C2orf76: variants seen among roughly 807,000 people sequenced by gnomAD.
C2orf76 encodes the protein chromosome 2 open reading frame 76.
A neutral mutation model predicts 16.9 loss-of-function variants in C2orf76; 23 were observed. That is an observed-to-expected ratio of 1.36 (90% CI 0.98 to 1.93). The LOEUF (loss-of-function observed/expected upper bound fraction) is 1.93. Ranked by LOEUF, C2orf76 falls within the 30% of genes most tolerant of loss-of-function variation. C2orf76 has a pLI of 0.00. For synonymous variants in C2orf76, 48 were observed against 52.3 expected, an observed-to-expected ratio of 0.92 and a Z score of 0.35; for missense variants, 152 against 152.6, an observed-to-expected ratio of 1.00 and a Z score of 0.02.
intron 5 of C2orf76, among the ~76,000 whole-genome samples, chr2:119,310,550 C>CA (rs745428593): frequency 6.7e-5 from 10 of 149,758 alleles, no homozygotes; most frequent in Non-Finnish European, 1.0e-4. Flanking sequence ...TAATACTTGT[C>CA]AAAAAAAAAA....
At chr2:119,325,419 C>T (rs1679477392) in intron 2 of C2orf76, among the ~76,000 whole-genome samples, 1 of 132,618 alleles carries the variant, frequency 7.5e-6, no homozygotes, top group Non-Finnish European at 1.5e-5. Flanking sequence ...GAGATCTTGC[C>T]ATTGTACTCC....
chr2:119,347,259 G>C (rs1680233543), intron 1 of C2orf76, among the ~76,000 whole-genome samples: 1 of 152,168 alleles, frequency 6.6e-6, no homozygotes, highest in Admixed American at 6.5e-5. Context: ...TCAGATGGTG[G>C]AAAATTGTAC....
chr2:119,298,289 T>C (rs555963846), downstream of C2orf76, among the ~76,000 whole-genome samples: 27 of 152,342 alleles, frequency 1.8e-4, no homozygotes, highest in East Asian at 5.0e-3. Flanking sequence ...TTTTAGTGAA[T>C]GGTATGAAGT....
At chr2:119,289,120 T>C in the C2orf76 span, among the ~76,000 whole-genome samples, 1 of 152,054 alleles carries the variant, frequency 6.6e-6, no homozygotes, top group Non-Finnish European at 1.5e-5. Flanking sequence ...TCTGTCCCTT[T>C]GACTTGGAGC....
At chr2:119,284,021 T>G in the C2orf76 span, among the ~76,000 whole-genome samples, 1 of 152,192 alleles carries the variant, frequency 6.6e-6, no homozygotes, top group Non-Finnish European at 1.5e-5. Flanking sequence ...TGGTAGAATC[T>G]GGCTTTTCAA....
chr2:119,345,261 C>T (rs566708330), intron 1 of C2orf76, among the ~76,000 whole-genome samples: 2 of 152,320 alleles, frequency 1.3e-5, no homozygotes, highest in South Asian at 4.1e-4. Context: ...AAAAGATCAG[C>T]TTTACTTCCA....
intron 5 of C2orf76, among the ~76,000 whole-genome samples, chr2:119,305,830 G>A (rs1236093676): frequency 6.6e-6 from 1 of 151,586 alleles, no homozygotes. Context: ...CGTCCCAAGT[G>A]CTGTGCCTTT....
chr2:119,346,348 CA>C (rs555060348), intron 1 of C2orf76, among the ~76,000 whole-genome samples: 24 of 152,294 alleles, frequency 1.6e-4, no homozygotes, highest in African/African-American at 4.6e-4. Context: ...GTGTGCACAG[CA>C]TATCCATGTG....
intron 2 of C2orf76, among the ~76,000 whole-genome samples, chr2:119,328,160 T>A (rs1165570607): frequency 1.3e-5 from 2 of 152,168 alleles, no homozygotes; most frequent in Admixed American, 1.3e-4. Flanking sequence ...CGTGCCTGGC[T>A]CCCATCCTTC....
At chr2:119,311,795 C>T (rs558196556) in intron 4 of C2orf76, 92 bp from the exon 5 acceptor site, 3 of 1,158,744 alleles carry the variant, frequency 2.6e-6, no homozygotes, top group African/African-American at 1.6e-5. Flanking sequence ...TAACTCTGAG[C>T]ACAGCAATAA....
At chr2:119,288,314 G>A in the C2orf76 span, among the ~76,000 whole-genome samples, 10 of 151,918 alleles carry the variant, frequency 6.6e-5, no homozygotes, top group Middle Eastern at 3.4e-3. Context: ...CTGCCACTGC[G>A]CCCAGCTAAT....
chr2:119,340,558 T>C (rs541412879), intron 1 of C2orf76, among the ~76,000 whole-genome samples: 2 of 152,300 alleles, frequency 1.3e-5, no homozygotes, highest in South Asian at 4.1e-4. Context: ...TGTTATCTCA[T>C]TTAATTCATT....
intron 1 of C2orf76, among the ~76,000 whole-genome samples, chr2:119,351,037 T>G (rs1401644579): frequency 6.6e-6 from 1 of 152,186 alleles, no homozygotes; most frequent in Non-Finnish European, 1.5e-5. Context: ...GTTTATAAAG[T>G]TGGCTGTGAA....
the C2orf76 span, among the ~76,000 whole-genome samples, chr2:119,288,158 A>ATTTTTT: frequency 2.8e-4 from 39 of 140,258 alleles, 1 homozygote; most frequent in South Asian, 1.2e-3. Context: ...TTATACTTCA[A>ATTTTTT]TTTTTTTTTT....
the C2orf76 span, among the ~76,000 whole-genome samples, chr2:119,289,457 G>A: frequency 2.6e-5 from 4 of 151,972 alleles, no homozygotes; most frequent in Non-Finnish European, 5.9e-5. Flanking sequence ...GGAGGCTGAC[G>A]TGGGCAGATC....
chr2:119,345,110 A>G (rs114365558), intron 1 of C2orf76, among the ~76,000 whole-genome samples: 2,067 of 152,328 alleles, frequency 0.014, 42 homozygotes, highest in African/African-American at 0.046. Flanking sequence ...GAAAAGCTCT[A>G]AGCAAAGACA....
intron 4 of C2orf76, among the ~76,000 whole-genome samples, chr2:119,314,998 T>C (rs187655487): frequency 3.3e-5 from 5 of 152,320 alleles, no homozygotes; most frequent in Admixed American, 3.3e-4. Context: ...CAAGTGTGTG[T>C]GTGGTGAGGG....
At chr2:119,350,078 C>A (rs867540052) in intron 1 of C2orf76, among the ~76,000 whole-genome samples, 2 of 115,828 alleles carry the variant, frequency 1.7e-5, no homozygotes, top group South Asian at 3.0e-4. Context: ...CGCCCCCCGC[C>A]CCCCCACCGT....
At chr2:119,298,057 C>G (rs893846043), downstream of C2orf76, among the ~76,000 whole-genome samples, 3 of 152,230 alleles carry the variant, frequency 2.0e-5, no homozygotes, top group African/African-American at 7.2e-5. Flanking sequence ...AATCCGCCCC[C>G]CTCAGCCTCC....
Sources: gnomAD v4.1 joint callset for allele counts (sites outside exome capture counted in the v4.1 genomes callset) on GRCh38, gnomAD v4.1.1 for gene constraint, MANE v1.5 for transcripts, NCBI Gene and HGNC (gene_info 2026-07-23, HGNC 2026-07-21) for gene names.